TBC1D8: variants seen among roughly 807,000 people sequenced by gnomAD.
The protein encoded by TBC1D8 is BUB2-like protein 1.
In TBC1D8, 65 loss-of-function variants were observed where a neutral mutation model predicts 118.8. The ratio of observed to expected loss-of-function variants is 0.55; its 90% CI spans 0.45 to 0.67. The LOEUF is 0.67. TBC1D8 is among the 30% of genes least tolerant of loss of function. The pLI is 0.00. For synonymous variants in TBC1D8, 566 were observed against 595.8 expected, an observed-to-expected ratio of 0.95 and a Z score of 0.73; for missense variants, 1,376 against 1,471.2, an observed-to-expected ratio of 0.94 and a Z score of 1.06.
rs1204409689 is a variant in TBC1D8 at position 101,149,955 on chromosome 2, T to C, written c.127+1172A>G. On this transcript the variant is annotated intron_variant, in intron 1 of 19. Coordinates refer to ENST00000409318, the MANE Select transcript of TBC1D8 (RefSeq NM_001330348.2). ...CAGAATCCTAACTACACTCTGCCCC[T>C]TCCATGGGGAACCCTCAGCTGCCTA... 4.6e-5 allele frequency among the ~76,000 whole-genome samples: 7 copies of C among 152,306 alleles called. No individual in the cohort carries two copies. In the East Asian group the frequency reaches 1.2e-3, roughly 25 times the overall value.
chr2:101,036,255 A>T (rs1193115684), intron 8 of TBC1D8, 87 bp from the exon 9 acceptor site: 1 of 1,506,270 alleles, frequency 6.6e-7, no homozygotes, highest in African/African-American at 1.4e-5. Context: ...TGGAGGAAGT[A>T]CTGCCCCTGC....
chr2:101,117,823 G>A, intron 1 of TBC1D8, among the ~76,000 whole-genome samples: 1 of 150,516 alleles, frequency 6.6e-6, no homozygotes, highest in Middle Eastern at 3.5e-3. Context: ...GATCCGCCCG[G>A]CTCGGCCTCC....
chr2:101,085,542 G>A (rs757537420), intron 2 of TBC1D8, among the ~76,000 whole-genome samples: 10 of 152,152 alleles, frequency 6.6e-5, no homozygotes, highest in East Asian at 3.9e-4. Context: ...CTACGTTAGC[G>A]CCAATATAAC....
chr2:101,080,563 C>T (rs898525654), intron 2 of TBC1D8, among the ~76,000 whole-genome samples: 3 of 152,170 alleles, frequency 2.0e-5, no homozygotes, highest in Non-Finnish European at 2.9e-5. Flanking sequence ...TCAGAAAGAA[C>T]GCTCTGAAAG....
intron 15 of TBC1D8, among the ~76,000 whole-genome samples, chr2:101,025,473 C>T (rs192478531): frequency 7.9e-5 from 12 of 152,166 alleles, no homozygotes; most frequent in African/African-American, 2.7e-4. Flanking sequence ...GTGATTCGGC[C>T]TCCCAAAGTG....
At chr2:101,027,600 C>T (rs1339618008) in intron 14 of TBC1D8, 149 bp from the exon 15 acceptor site, 5 of 680,120 alleles carry the variant, frequency 7.4e-6, no homozygotes, top group African/African-American at 7.2e-5. Flanking sequence ...ACATAAAGAT[C>T]ACTTCCAGGT....
chr2:101,055,548 T>C (rs2105418940), intron 3 of TBC1D8, among the ~76,000 whole-genome samples: 1 of 152,264 alleles, frequency 6.6e-6, no homozygotes, highest in East Asian at 1.9e-4. Context: ...TCCAAAGCAC[T>C]CAGGTCTATG....
intron 2 of TBC1D8, among the ~76,000 whole-genome samples, chr2:101,065,860 A>C (rs1682985105): frequency 6.6e-6 from 1 of 152,236 alleles, no homozygotes; most frequent in Admixed American, 6.5e-5. Flanking sequence ...ACTTTTCAGA[A>C]ATAAAAGCAG....
intron 2 of TBC1D8, among the ~76,000 whole-genome samples, chr2:101,074,635 C>T (rs1164866019): frequency 1.3e-5 from 2 of 152,176 alleles, no homozygotes; most frequent in Non-Finnish European, 2.9e-5. Flanking sequence ...CTATTCTTAA[C>T]AGCAATATTG....
chr2:101,028,164 A>C lies in TBC1D8; in HGVS notation c.2353-18T>G, dbSNP rs781219735. 6.2e-7 allele frequency: 1 copy of C among 1,613,122 alleles called. No individual in the cohort carries two copies. On this transcript the variant is annotated intron_variant, in intron 13 of 19. Coordinates refer to ENST00000409318, the MANE Select transcript of TBC1D8 (RefSeq NM_001330348.2). Reference sequence around the variant, plus strand: ...CCAAATTTCTGCAGGGAAAAAAGGGACCACTTGCTCAGTCCCCTGCTCATC... The same window carrying C: ...CCAAATTTCTGCAGGGAAAAAAGGGCCCACTTGCTCAGTCCCCTGCTCATC...
At chr2:101,041,199 C>A (rs1011102949) in intron 5 of TBC1D8, among the ~76,000 whole-genome samples, 11 of 152,154 alleles carry the variant, frequency 7.2e-5, no homozygotes, top group African/African-American at 2.7e-4. Flanking sequence ...GGTAGATATA[C>A]CCAAGAGAAC....
In TBC1D8 at chr2:101,010,917, G is replaced by C; in HGVS notation, c.3015+12C>G. 1 of 1,589,406 alleles carries C rather than the reference G, an allele frequency of 6.3e-7. No individual in the cohort carries two copies. On this transcript the variant is annotated intron_variant, in intron 19 of 19. Transcript: ENST00000409318. ...AAAAAAGTTAATTCTCTGCACTGAA[G>C]AAAGTCCATACCTGGCTCATTTTGG...
At chr2:101,132,605 T>C (rs1558725669) in intron 1 of TBC1D8, among the ~76,000 whole-genome samples, 2 of 152,190 alleles carry the variant, frequency 1.3e-5, no homozygotes, top group Admixed American at 1.3e-4. Flanking sequence ...GTTGTTTTGT[T>C]TGAGATAGGA....
intron 7 of TBC1D8, 146 bp from the exon 8 acceptor site, chr2:101,037,854 C>G (rs1681122487): frequency 3.1e-6 from 3 of 955,890 alleles, no homozygotes; most frequent in South Asian, 1.6e-5. Flanking sequence ...TGACGCCAGA[C>G]CAGACAGGGC....
intron 19 of TBC1D8, among the ~76,000 whole-genome samples, chr2:101,009,406 CAAA>C (rs70943054): frequency 2.0e-5 from 2 of 97,742 alleles, no homozygotes; most frequent in Admixed American, 1.0e-4. Context: ...ACTCTGTCTC[CAAA>C]AAAAAAAAAA....
intron 3 of TBC1D8, among the ~76,000 whole-genome samples, 163 bp downstream of exon 3, chr2:101,059,258 G>A (rs1283992812): frequency 6.8e-6 from 1 of 147,556 alleles, no homozygotes; most frequent in African/African-American, 2.5e-5. Flanking sequence ...TTGCTAGACT[G>A]ACTACAAAGT....
chr2:101,134,033 C>T (rs893349326), intron 1 of TBC1D8, among the ~76,000 whole-genome samples: 7 of 152,178 alleles, frequency 4.6e-5, no homozygotes, highest in Non-Finnish European at 1.0e-4. Flanking sequence ...ACCTCCCTCC[C>T]TCGACATGTG....
At chr2:101,011,295 G>A (rs777381398) in intron 18 of TBC1D8, 156 bp downstream of exon 18, 38 of 788,052 alleles carry the variant, frequency 4.8e-5, no homozygotes, top group Non-Finnish European at 7.0e-5. Flanking sequence ...CCCACTAGGA[G>A]CACTTCTGTC....
intron 5 of TBC1D8, among the ~76,000 whole-genome samples, chr2:101,040,789 C>T (rs1471237998): frequency 6.6e-6 from 1 of 152,186 alleles, no homozygotes; most frequent in Non-Finnish European, 1.5e-5. Flanking sequence ...CTTTTAAAGC[C>T]ACTGGCACAA....
Sources: allele counts gnomAD v4.1 joint callset (sites outside exome capture counted in the v4.1 genomes callset), GRCh38; gene constraint gnomAD v4.1.1; transcripts MANE v1.5; gene names NCBI Gene and HGNC (gene_info 2026-07-23, HGNC 2026-07-21).